The following CCDC171 variants were observed in gnomAD, a reference collection of about 807,000 sequenced individuals.
CCDC171 encodes the protein coiled-coil domain containing 171, also known as coiled-coil domain-containing protein 171.
Under a neutral mutation model 168.2 loss-of-function variants are expected in CCDC171, and 177 were observed. That is an observed-to-expected ratio of 1.05 (90% CI 0.93 to 1.19). The LOEUF (loss-of-function observed/expected upper bound fraction) is 1.19, where lower values mean the gene tolerates loss of function less well. CCDC171 is among the 50% of genes most tolerant of loss of function. CCDC171 has a pLI of 0.00. For synonymous variants in CCDC171, 687 were observed against 540.8 expected, an observed-to-expected ratio of 1.27 and a Z score of -3.75; for missense variants, 1,991 against 1,539.0, an observed-to-expected ratio of 1.29 and a Z score of -4.91.
chr9:15,782,872 A>T (rs1309183324), intron 20 of CCDC171, among the ~76,000 whole-genome samples: 1 of 152,202 alleles, frequency 6.6e-6, no homozygotes, highest in African/African-American at 2.4e-5. Context: ...AGCACTATGC[A>T]AGTATCAGTG....
intron 24 of CCDC171, among the ~76,000 whole-genome samples, chr9:15,900,971 A>G (rs1032800859): frequency 3.9e-5 from 6 of 152,140 alleles, no homozygotes; most frequent in African/African-American, 1.4e-4. Context: ...GTAGTCTCCA[A>G]ACTTTTTCAT....
chr9:15,656,839 G>T (rs2047974397), intron 7 of CCDC171, among the ~76,000 whole-genome samples: 2 of 151,770 alleles, frequency 1.3e-5, no homozygotes, highest in East Asian at 3.9e-4. Context: ...TAATGGATGT[G>T]TACGTGTTTG....
At chr9:15,688,109 ACT>A (rs1245460208) in intron 10 of CCDC171, among the ~76,000 whole-genome samples, 3 of 103,060 alleles carry the variant, frequency 2.9e-5, no homozygotes, top group Non-Finnish European at 5.9e-5. Context: ...ACAGAGCAAG[ACT>A]CCATCTCAAA....
At chr9:15,935,291 A>C (rs182457042) in intron 25 of CCDC171, among the ~76,000 whole-genome samples, 1 of 152,132 alleles carries the variant, frequency 6.6e-6, no homozygotes, top group Non-Finnish European at 1.5e-5. Flanking sequence ...GACTCAGAGG[A>C]AATTTGAGTT....
In CCDC171 at chr9:15,610,469, A is replaced by AAAAAAAAAAAAAAAAAAAAAAAAAAAAAC. The variant is rs1432453522; in HGVS notation, c.676-12786_676-12785insAAAAAAAAAAAAAAAACAAAAAAAAAAAA. On this transcript the variant is annotated intron_variant, in intron 6 of 25. Transcript: ENST00000380701. ...TAAAAAAAAAAAAAAAAAAAAAAAAAAAAAAAAAAAAACTGGGCGTGGTGG... is the reference window on the plus strand; with the variant it reads ...TAAAAAAAAAAAAAAAAAAAAAAAAAAAAAAAAAAAAAAAAAAAAAAAAAAAAACAAAAAAAAAAAACTGGGCGTGGTGG... Among the ~76,000 whole-genome samples the AAAAAAAAAAAAAAAAAAAAAAAAAAAAAC allele has an allele frequency of 1.4e-4, 19 of 136,362 alleles. 1 individual carries two copies. The highest frequency in any genetic ancestry group is 2.6e-4 in the Non-Finnish European group (16 of 62,056). The allele number at this position is 136,362 out of a possible 152,430, so 89.5% of individuals were successfully genotyped here.
intron 25 of CCDC171, among the ~76,000 whole-genome samples, chr9:15,931,672 G>T (rs886505095): frequency 2.0e-5 from 3 of 150,786 alleles, no homozygotes; most frequent in Admixed American, 1.3e-4. Context: ...TGTTTTTGAG[G>T]TCTTACTCAA....
At chr9:15,590,830 TTTC>T (rs1260268452) in intron 4 of CCDC171, among the ~76,000 whole-genome samples, 84 of 146,534 alleles carry the variant, frequency 5.7e-4, no homozygotes, top group African/African-American at 1.9e-3. Context: ...TCTTTCTTTC[TTTC>T]TTCTTCTTTC....
rs144415292 is a variant in CCDC171 at position 15,677,374 on chromosome 9, A to C, written c.1077-1384A>C. ...AATATACAAAAAAAGTTAACACTAG[A>C]ATTGTCTGTGTTCCACCCCAGAGAA... is the stretch of plus-strand genomic sequence containing the variant. On this transcript the variant is annotated intron_variant, in intron 9 of 25. Coordinates refer to ENST00000380701, the MANE Select transcript of CCDC171 (RefSeq NM_173550.4). 6.4e-4 allele frequency among the ~76,000 whole-genome samples: 98 copies of C among 152,226 alleles called. 2 individuals carry two copies. In the East Asian group the frequency reaches 0.018, roughly 28 times the overall value.
At chr9:15,572,512 G>A (rs2040313764) in intron 3 of CCDC171, among the ~76,000 whole-genome samples, 1 of 152,196 alleles carries the variant, frequency 6.6e-6, no homozygotes, top group South Asian at 2.1e-4. Flanking sequence ...CCAAAGGGTT[G>A]TTGTGATAAT....
chr9:15,672,877 T>G (rs1422041743), intron 9 of CCDC171, among the ~76,000 whole-genome samples: 2 of 152,232 alleles, frequency 1.3e-5, no homozygotes, highest in Admixed American at 6.5e-5. Context: ...AGTAGTTTTT[T>G]CCAGTTCTGT....
chr9:15,808,730 A>G (rs138238621), intron 21 of CCDC171, among the ~76,000 whole-genome samples: 152 of 152,276 alleles, frequency 1.0e-3, no homozygotes, highest in African/African-American at 3.5e-3. Flanking sequence ...AGGGAAATGG[A>G]GAGGTCAGAT....
At chr9:16,094,910 C>A in the CCDC171 span, among the ~76,000 whole-genome samples, 1 of 152,134 alleles carries the variant, frequency 6.6e-6, no homozygotes, top group South Asian at 2.1e-4. Flanking sequence ...ATCCTGGGGG[C>A]AGATTTCCCC....
chr9:15,650,104 A>G (rs565174396), intron 7 of CCDC171, among the ~76,000 whole-genome samples: 4 of 152,350 alleles, frequency 2.6e-5, no homozygotes, highest in East Asian at 1.9e-4. Flanking sequence ...TTGTAGGGAC[A>G]TGGATGAAGC....
chr9:15,643,208 T>A (rs1347060337), intron 7 of CCDC171, among the ~76,000 whole-genome samples: 1 of 152,138 alleles, frequency 6.6e-6, no homozygotes, highest in Non-Finnish European at 1.5e-5. Flanking sequence ...GCTATTTCCT[T>A]GTGACTGGCT....
intron 25 of CCDC171, among the ~76,000 whole-genome samples, chr9:15,941,759 A>G (rs966920355): frequency 6.6e-6 from 1 of 151,944 alleles, no homozygotes; most frequent in African/African-American, 2.4e-5. Context: ...GAAACAACAT[A>G]CTCAATATTA....
chr9:15,695,249 G>T lies in CCDC171; in HGVS notation c.1230G>T (p.Gln410His). 1 of 1,613,770 alleles carries T rather than the reference G, an allele frequency of 6.2e-7. No individual in the cohort carries two copies. The highest frequency in any genetic ancestry group is 8.5e-7 in the Non-Finnish European group (1 of 1,179,708). ...QEELVMAKKH[Q>H]AFLVETCENN... ...TTAATTAAAAGGCTAAGAAGCACCA[G>T]GCCTTCCTAGTAGAGACATGTGAAA... Residue 410 changes from glutamine (Q) to histidine (H), a missense_variant, in exon 11 of 26, where the codon CAG (glutamine) becomes CAT (histidine). Gln to His is a conservative substitution (Grantham distance 24, BLOSUM62 0). Coordinates refer to ENST00000380701, the MANE Select transcript of CCDC171 (RefSeq NM_173550.4).
At chr9:15,687,927 T>A (rs1171030043) in intron 10 of CCDC171, among the ~76,000 whole-genome samples, 2 of 152,066 alleles carry the variant, frequency 1.3e-5, no homozygotes, top group African/African-American at 4.8e-5. Flanking sequence ...ACGACCAGCC[T>A]GGCCAACGTA....
intron 24 of CCDC171, among the ~76,000 whole-genome samples, chr9:15,910,348 A>G (rs1823438837): frequency 6.6e-6 from 1 of 152,016 alleles, no homozygotes; most frequent in African/African-American, 2.4e-5. Flanking sequence ...GTATATTTTT[A>G]TTGACTTTGT....
chr9:15,608,214 C>T (rs919580895), intron 6 of CCDC171, among the ~76,000 whole-genome samples: 1 of 152,152 alleles, frequency 6.6e-6, no homozygotes, highest in Non-Finnish European at 1.5e-5. Flanking sequence ...CTTAAAGGCC[C>T]CACTTCTCAA....
Sources: allele counts gnomAD v4.1 joint callset (sites outside exome capture counted in the v4.1 genomes callset), GRCh38; gene constraint gnomAD v4.1.1; transcripts MANE v1.5; gene names NCBI Gene and HGNC (gene_info 2026-07-23, HGNC 2026-07-21).